KIAA1671: variants seen among roughly 807,000 people sequenced by gnomAD.
KIAA1671 encodes KIAA1671, also known as uncharacterized protein KIAA1671.
A neutral mutation model predicts 131.2 loss-of-function variants in KIAA1671; 52 were observed. That is an observed-to-expected ratio of 0.40 (90% CI 0.32 to 0.50). KIAA1671 has a LOEUF of 0.50. KIAA1671 is among the 20% of genes least tolerant of loss of function. The pLI, the probability that KIAA1671 is intolerant of heterozygous loss-of-function variation, is 0.73. For synonymous variants in KIAA1671, 1,003 were observed against 961.6 expected (o/e 1.04, Z -0.80); for missense variants, 2,360 against 2,364.2 (o/e 1.00, Z 0.04).
intron 9 of KIAA1671, among the ~76,000 whole-genome samples, chr22:25,178,148 A>G (rs1294306338): frequency 6.6e-6 from 1 of 152,128 alleles, no homozygotes; most frequent in Non-Finnish European, 1.5e-5. Flanking sequence ...CTGCAGTGGT[A>G]CAAAGACAGC....
chr22:25,029,723 C>T (rs1476915131), intron 3 of KIAA1671, among the ~76,000 whole-genome samples, 183 bp downstream of exon 3: 2 of 152,250 alleles, frequency 1.3e-5, no homozygotes, highest in Non-Finnish European at 2.9e-5. Context: ...CAGTGCAGCT[C>T]TCCTCTGGGT....
At chr22:25,075,171 C>A (rs919063944) in intron 6 of KIAA1671, among the ~76,000 whole-genome samples, 2 of 152,172 alleles carry the variant, frequency 1.3e-5, no homozygotes, top group Admixed American at 6.5e-5. Flanking sequence ...TTGGCAATGT[C>A]TGGAGACATG....
intron 5 of KIAA1671, among the ~76,000 whole-genome samples, chr22:25,047,466 C>G (rs1265260618): frequency 2.9e-5 from 4 of 136,850 alleles, no homozygotes; most frequent in Admixed American, 1.4e-4. Context: ...GGCCTCTTTT[C>G]CTTTTTTTTT....
At chr22:25,151,523 C>T (rs887921322) in intron 6 of KIAA1671, among the ~76,000 whole-genome samples, 1 of 149,390 alleles carries the variant, frequency 6.7e-6, no homozygotes, top group African/African-American at 2.5e-5. Flanking sequence ...CAACTTCTGC[C>T]TGGGTTCAAG....
At chr22:25,182,661 C>T (rs1934333198) in intron 10 of KIAA1671, among the ~76,000 whole-genome samples, 1 of 152,176 alleles carries the variant, frequency 6.6e-6, no homozygotes. Context: ...GCTTAATCTC[C>T]ACTTTCTGAC....
At position 25,174,460 on chromosome 22, in the gene KIAA1671, AAG is replaced by A; in HGVS notation, c.4875_4876del (p.Arg1625SerfsTer3). On this transcript the variant is annotated frameshift_variant, in exon 8 of 13. Coordinates refer to ENST00000358431, the MANE Select transcript of KIAA1671 (RefSeq NM_001145206.2). LOFTEE classifies it high-confidence loss of function. The part of the protein sequence containing the change: ...GPPPPDACPE[K>X]RVDDFSFIDQ... ...GCCTCCACCGGACGCCTGCCCTGAA[AAG>A]AGAGTAGATGACTTCTCCTTCATTG... The A allele has an allele frequency of 6.5e-7, 1 of 1,539,818 alleles. No homozygotes were observed. Among genetic ancestry groups the A allele is most frequent in the Non-Finnish European group, 8.8e-7 (1 of 1,139,316 alleles).
intron 6 of KIAA1671, among the ~76,000 whole-genome samples, chr22:25,116,460 C>G (rs1011165563): frequency 1.3e-5 from 2 of 151,724 alleles, no homozygotes; most frequent in Admixed American, 1.3e-4. Context: ...CTTGCTCTGT[C>G]CCCTAGGCTG....
rs1602089036 is a variant in KIAA1671, at chr22:25,039,055, A to G, written c.1925A>G (p.His642Arg). 1.3e-6 allele frequency: 2 copies of G among 1,551,740 alleles called. No homozygotes were observed. The highest frequency in any genetic ancestry group is 1.7e-6 in the Non-Finnish European group (2 of 1,147,020). Residue 642 changes from histidine to arginine, a missense_variant, in exon 5 of 13, where the codon CAT becomes CGT. This residue lies in a region of KIAA1671 where 1,185 missense variants were observed against 1,126.2 expected (regional missense o/e 1.05). Coordinates refer to ENST00000358431, the MANE Select transcript of KIAA1671 (RefSeq NM_001145206.2). ...ACCACACCCCCTGGTGACATGGCCC[A>G]TGCCCGTGTCTCAGAACCCAGGCCG... ...LSTTPPGDMAHARVSEPRPRP... is the reference protein window; with the variant it reads ...LSTTPPGDMARARVSEPRPRP...
At chr22:25,183,679 T>C (rs1264209854) in intron 10 of KIAA1671, among the ~76,000 whole-genome samples, 5 of 151,802 alleles carry the variant, frequency 3.3e-5, no homozygotes, top group South Asian at 2.1e-4. Flanking sequence ...CCGGCCACCA[T>C]GCCTGGCTAA....
chr22:25,144,519 A>G (rs1249383615), intron 6 of KIAA1671, among the ~76,000 whole-genome samples: 1 of 152,230 alleles, frequency 6.6e-6, no homozygotes, highest in Non-Finnish European at 1.5e-5. Context: ...CCACAGGACA[A>G]ACTCATAAAG....
intron 6 of KIAA1671, among the ~76,000 whole-genome samples, chr22:25,148,658 C>T (rs1932939642): frequency 6.6e-6 from 1 of 152,174 alleles, no homozygotes; most frequent in Non-Finnish European, 1.5e-5. Context: ...CCACGAGGGA[C>T]GTCAGCCTGG....
intron 1 of KIAA1671, among the ~76,000 whole-genome samples, chr22:24,996,368 C>G (rs184458171): frequency 6.6e-6 from 1 of 152,194 alleles, no homozygotes; most frequent in East Asian, 1.9e-4. Flanking sequence ...TGCACTCACA[C>G]GAGCCTTATG....
chr22:25,034,813 C>T (rs1478356476), intron 4 of KIAA1671, among the ~76,000 whole-genome samples: 5 of 152,100 alleles, frequency 3.3e-5, no homozygotes, highest in African/African-American at 4.8e-5. Flanking sequence ...TCTCGGCTCA[C>T]TGCAAGCTCC....
intron 6 of KIAA1671, chr22:25,109,910 G>C (rs1463775619): frequency 2.0e-5 from 3 of 152,338 alleles, no homozygotes; most frequent in Admixed American, 6.5e-5. Context: ...TTGAGTCTAG[G>C]AGTTCGAGAC....
intron 9 of KIAA1671, 76 bp from the exon 10 acceptor site, chr22:25,181,623 G>C: frequency 6.6e-7 from 1 of 1,525,256 alleles, no homozygotes; most frequent in Non-Finnish European, 8.9e-7. Flanking sequence ...GAGATACTGT[G>C]TGCAAATTAT....
At chr22:25,187,474 AT>A (rs55986117) in intron 11 of KIAA1671, among the ~76,000 whole-genome samples, 43,858 of 150,450 alleles carry the variant, frequency 0.29, 7,190 homozygotes, top group East Asian at 0.47. Context: ...CATAAACGTG[AT>A]TTTTTTTTTC....
At position 25,160,083 on chromosome 22, in the gene KIAA1671, T is replaced by C. The variant is rs562809108; in HGVS notation, c.4531-10737T>C. Among the ~76,000 whole-genome samples, 13 of 152,286 alleles carry C rather than the reference T, an allele frequency of 8.5e-5. No individual in the cohort carries two copies. In the South Asian group the frequency reaches 2.7e-3, roughly 32 times the overall value. On this transcript the variant is annotated intron_variant, in intron 6 of 12. Coordinates refer to ENST00000358431, the MANE Select transcript of KIAA1671 (RefSeq NM_001145206.2). ...AGAACGTTTTGTAAACACTGGACAT[T>C]AGCCAGCAGTCAGAGGTTAGCCATC...
At chr22:25,077,848 A>G (rs924911317) in intron 6 of KIAA1671, among the ~76,000 whole-genome samples, 3 of 152,146 alleles carry the variant, frequency 2.0e-5, no homozygotes, top group African/African-American at 7.2e-5. Flanking sequence ...CTACTTGTTC[A>G]TTTGGCTGTG....
At chr22:25,086,461 C>T (rs1471288800) in intron 6 of KIAA1671, among the ~76,000 whole-genome samples, 1 of 152,176 alleles carries the variant, frequency 6.6e-6, no homozygotes, top group African/African-American at 2.4e-5. Context: ...AAATGAACTT[C>T]TTGAGGAGAG....
Sources: gnomAD v4.1 joint callset for allele counts (sites outside exome capture counted in the v4.1 genomes callset) on GRCh38, gnomAD v4.1.1 for gene constraint, gnomAD v4.1.1 regional missense constraint, MANE v1.5 for transcripts, NCBI Gene and HGNC (gene_info 2026-07-23, HGNC 2026-07-21) for gene names.